Variants in ABCA4 observed in about 807,000 individuals in gnomAD.
ABCA4 encodes the protein retinal-specific phospholipid-transporting ATPase ABCA4.
ABCA4 carries 196 observed loss-of-function variants against 263.7 expected under a neutral mutation model. The ratio of observed to expected loss-of-function variants is 0.74; its 90% confidence interval spans 0.66 to 0.84. ABCA4 has a LOEUF of 0.84. ABCA4 is among the 40% of genes least tolerant of loss of function. The pLI is 0.00. For synonymous variants in ABCA4, 1,133 were observed against 1,094.2 expected (o/e 1.04, Z -0.70); for missense variants, 2,792 against 2,855.1 (o/e 0.98, Z 0.50).
At chr1:94,016,221 A>G (rs1659742098) in intron 36 of ABCA4, among the ~76,000 whole-genome samples, 1 of 152,226 alleles carries the variant, frequency 6.6e-6, no homozygotes, top group Non-Finnish European at 1.5e-5. Flanking sequence ...ACAAAGCTCA[A>G]ATAAATAATG....
chr1:94,045,111 C>G (rs966725153), intron 19 of ABCA4, among the ~76,000 whole-genome samples: 1 of 152,196 alleles, frequency 6.6e-6, no homozygotes, highest in East Asian at 1.9e-4. Context: ...GTGCATGACT[C>G]GAGGCGTTGC....
intron 18 of ABCA4, 142 bp from the exon 19 acceptor site, chr1:94,047,235 A>G (rs1251978029): frequency 1.1e-6 from 1 of 873,052 alleles, no homozygotes; most frequent in African/African-American, 1.7e-5. Context: ...GGAAGACTCC[A>G]GAATAATAAT....
intron 43 of ABCA4, among the ~76,000 whole-genome samples, chr1:94,007,221 A>T (rs1207036551): frequency 3.3e-5 from 5 of 152,220 alleles, no homozygotes; most frequent in Non-Finnish European, 4.4e-5. Flanking sequence ...CTGCAGGATC[A>T]TAAATGTGAC....
chr1:94,060,804 T>C (rs750454179), intron 13 of ABCA4, 45 bp from the exon 14 acceptor site: 2 of 1,426,874 alleles, frequency 1.4e-6, no homozygotes, highest in African/African-American at 1.4e-5. Context: ...GCTCTGTACC[T>C]GGTAGAGGCA....
intron 7 of ABCA4, among the ~76,000 whole-genome samples, chr1:94,081,322 GA>G (rs1202612025): frequency 6.6e-6 from 1 of 152,130 alleles, no homozygotes; most frequent in Non-Finnish European, 1.5e-5. Context: ...AATTCGTTGG[GA>G]ATGTGTCCTT....
At position 94,055,301 on chromosome 1, in the gene ABCA4, C is replaced by A. The variant is rs778503467; in HGVS notation, c.2397G>T (p.Pro799=). The part of the protein sequence containing the change: ...ELKKAVSLLS[P]VAFGFGTEYL... Reference sequence around the variant, plus strand: ...ACTCAGTGCCAAATCCAAATGCCACCGGAGACAGTAAGCTCTGCAGTGAGG... The same window carrying A: ...ACTCAGTGCCAAATCCAAATGCCACAGGAGACAGTAAGCTCTGCAGTGAGG... The change falls in exon 16 of 50, where the codon CCG becomes CCT. Residue 799 remains proline (P), a synonymous_variant. Transcript: ENST00000370225. 1 of 1,614,038 alleles carries A rather than the reference C, an allele frequency of 6.2e-7. No individual in the cohort carries two copies. Among genetic ancestry groups the A allele is most frequent in the Admixed American group, 1.7e-5 (1 of 60,014 alleles).
rs1206603680 is a variant in ABCA4, at chr1:94,001,664, C to T, written c.6282+194G>A. The stretch of plus-strand genomic sequence containing the variant: ...GCGCAGTCCCAAGTCAAGGCTGTGC[C>T]GTGACTTGTTTTTCTCCGGAGCTGT... On this transcript the variant is annotated intron_variant, in intron 45 of 49. Coordinates refer to ENST00000370225, the MANE Select transcript of ABCA4 (RefSeq NM_000350.3). 7.4e-6 allele frequency: 6 copies of T among 808,188 alleles called. No homozygotes were observed. In the East Asian group the frequency reaches 8.1e-5, roughly 11 times the overall value. 50.1% of individuals were successfully genotyped at this position (808,188 alleles called of 1,614,324 possible).
chr1:94,051,611 A>G (rs1660841588), intron 17 of ABCA4, 22 bp downstream of exon 17: 1 of 1,598,122 alleles, frequency 6.3e-7, no homozygotes, highest in South Asian at 1.1e-5. Context: ...AAACATTAAG[A>G]TTTGTGTTTT....
chr1:94,108,028 C>T (rs1273930381), intron 4 of ABCA4, among the ~76,000 whole-genome samples: 1 of 152,204 alleles, frequency 6.6e-6, no homozygotes, highest in Non-Finnish European at 1.5e-5. Context: ...TCTGTGGTGC[C>T]TCCATACACA....
At chr1:94,004,303 CT>C (rs1348127954) in intron 44 of ABCA4, among the ~76,000 whole-genome samples, 1 of 152,214 alleles carries the variant, frequency 6.6e-6, no homozygotes, top group Non-Finnish European at 1.5e-5. Context: ...TTCTTTCTTG[CT>C]TTTCCCTTTT....
Position 94,021,836 on chromosome 1 carries a change from G to C in ABCA4, c.4773+10C>G. The stretch of plus-strand genomic sequence containing the variant: ...AAAATCCTACTCAAATCTCCAGTCT[G>C]TTTACATACCCCGCTCACATTCATG... On this transcript the variant is annotated intron_variant, in intron 33 of 49. Coordinates refer to ENST00000370225, the MANE Select transcript of ABCA4 (RefSeq NM_000350.3). 6.2e-7 allele frequency: 1 copy of C among 1,613,840 alleles called. No individual in the cohort carries two copies. The highest frequency in any genetic ancestry group is 1.6e-4 in the Middle Eastern group (1 of 6,062).
chr1:94,116,767 A>G (rs1220282051), intron 1 of ABCA4, among the ~76,000 whole-genome samples: 2 of 152,136 alleles, frequency 1.3e-5, no homozygotes, highest in African/African-American at 4.8e-5. Context: ...GAAATTCCAC[A>G]GTATAATTAA....
chr1:94,101,530 T>C (rs1483539305), intron 5 of ABCA4, among the ~76,000 whole-genome samples: 1 of 152,196 alleles, frequency 6.6e-6, no homozygotes, highest in African/African-American at 2.4e-5. Context: ...GGAACCAGTG[T>C]GAGAACCTGC....
At chr1:94,120,541 G>A (rs538845132) in intron 1 of ABCA4, among the ~76,000 whole-genome samples, 22 of 152,300 alleles carry the variant, frequency 1.4e-4, no homozygotes, top group African/African-American at 5.3e-4. Flanking sequence ...GTGCCTCAGA[G>A]AATCAATGAA....
intron 19 of ABCA4, among the ~76,000 whole-genome samples, chr1:94,046,160 CG>C (rs774885124): frequency 6.6e-6 from 1 of 151,734 alleles, no homozygotes; most frequent in Non-Finnish European, 1.5e-5. Context: ...TAGCAGGACT[CG>C]GCCTGGTGCG....
chr1:94,113,951 A>G (rs1458757528), intron 1 of ABCA4, among the ~76,000 whole-genome samples: 1 of 152,246 alleles, frequency 6.6e-6, no homozygotes, highest in African/African-American at 2.4e-5. Context: ...ATGTGGAATT[A>G]TGGAGAGGAA....
Position 94,098,909 on chromosome 1 carries a change from T to G in ABCA4, c.653A>C (p.Gln218Pro). Reference sequence around the variant, plus strand: ...GCGCACCGTCTTTGCCCCGCGTCTCTGGCTGAAGATGATGAAGCGCTCCAG... The same window carrying G: ...GCGCACCGTCTTTGCCCCGCGTCTCGGGCTGAAGATGATGAAGCGCTCCAG... ...ALLERFIIFS[Q>P]RRGAKTVRYA... Residue 218 changes from glutamine to proline, a missense_variant, in exon 6 of 50, where the codon CAG (glutamine) becomes CCG (proline). By Grantham distance (76) the Gln-to-Pro change is moderately conservative. Coordinates refer to ENST00000370225, the MANE Select transcript of ABCA4 (RefSeq NM_000350.3). 1 of 1,613,942 alleles carries G rather than the reference T, an allele frequency of 6.2e-7. No homozygotes were observed. The highest frequency in any genetic ancestry group is 1.1e-5 in the South Asian group (1 of 91,082).
intron 16 of ABCA4, among the ~76,000 whole-genome samples, chr1:94,053,900 C>A (rs1276029429): frequency 1.3e-5 from 2 of 152,226 alleles, no homozygotes; most frequent in African/African-American, 4.8e-5. Context: ...CCTATTTCTG[C>A]CAACAAAGGC....
chr1:94,009,117 T>C lies in ABCA4; in HGVS notation c.5715-246A>G, dbSNP rs376395913. 3.3e-5 allele frequency among the ~76,000 whole-genome samples: 5 copies of C among 152,174 alleles called. No homozygotes were observed. The South Asian group carries it at 6.2e-4, about 19-fold the overall frequency. ...GCCTCCTCATGTGTGATCTTGGGCA[T>C]TGGACCTCTCTGAACCTTGCCTACT... On this transcript the variant is annotated intron_variant, in intron 40 of 49. Coordinates refer to ENST00000370225, the MANE Select transcript of ABCA4 (RefSeq NM_000350.3).
Sources: gnomAD v4.1 joint callset for allele counts (sites outside exome capture counted in the v4.1 genomes callset) on GRCh38, gnomAD v4.1.1 for gene constraint, MANE v1.5 for transcripts, NCBI Gene and HGNC (gene_info 2026-07-23, HGNC 2026-07-21) for gene names.